Variants in COG6 observed in about 807,000 individuals in gnomAD.
COG6 encodes the protein conserved oligomeric Golgi complex subunit 6.
Under a neutral mutation model 88.8 loss-of-function variants are expected in COG6, and 74 were observed. The observed-to-expected ratio is 0.83, with a 90% CI of 0.69 to 1.01. The LOEUF is 1.01. COG6 is among the 50% of genes least tolerant of loss of function. The pLI is 0.00. For synonymous variants in COG6, 286 were observed against 278.7 expected, an observed-to-expected ratio of 1.03 and a Z score of -0.26; for missense variants, 800 against 797.9, an observed-to-expected ratio of 1.00 and a Z score of -0.03.
rs944880705 is a variant in COG6 at position 39,724,367 on chromosome 13, C to CAA, written c.1693-140_1693-139insAA. On this transcript the variant is annotated intron_variant, in intron 16 of 18. Transcript: ENST00000455146. The stretch of plus-strand genomic sequence containing the variant: ...GATCTTATTGAGGTTGAAGAAATTA[C>CAA]ACTTGAGTTCTTTGGAAATAAGCTA... The CAA allele has an allele frequency of 1.3e-4, 87 of 650,618 alleles. No individual in the cohort carries two copies. The African/African-American group carries it at 1.4e-3, about 11-fold the overall frequency. 40.3% of individuals were successfully genotyped at this position (650,618 alleles called of 1,614,324 possible). A position where few individuals can be genotyped will look rare whatever the true frequency, so the allele number is the denominator to read the frequency against.
At chr13:39,787,395 G>GGT (rs1055981059) in intron 18 of COG6, among the ~76,000 whole-genome samples, 2 of 151,766 alleles carry the variant, frequency 1.3e-5, no homozygotes, top group Admixed American at 6.6e-5. Flanking sequence ...TGGTGTGTGT[G>GGT]GTGTGTGTGT....
chr13:39,675,986 T>C (rs2137979222), intron 4 of COG6, among the ~76,000 whole-genome samples: 1 of 152,266 alleles, frequency 6.6e-6, no homozygotes, highest in Admixed American at 6.5e-5. Flanking sequence ...ATGTAATGTT[T>C]CAAGGTAATT....
chr13:39,659,633 T>G, intron 2 of COG6, 126 bp downstream of exon 2: 1 of 744,472 alleles, frequency 1.3e-6, no homozygotes, highest in East Asian at 2.7e-5. Context: ...ATAGAAAGCT[T>G]AGCTAATTTC....
rs1333017958 is a variant in COG6, at chr13:39,662,558, A to G, written c.369+1677A>G. Among the ~76,000 whole-genome samples, 3 of 152,236 alleles carry G rather than the reference A, an allele frequency of 2.0e-5. No individual in the cohort carries two copies. The East Asian group carries it at 5.8e-4, about 29-fold the overall frequency. ...TTATGAATGGTAATAAACTGCATCC[A>G]TTCAAAGTGTTCAAATTGATAGGCT... On this transcript the variant is annotated intron_variant, in intron 3 of 18. Transcript: ENST00000455146.
Position 39,771,038 on chromosome 13 carries a change from C to T in COG6, c.1827-17297C>T, listed in dbSNP as rs575902049. Among the ~76,000 whole-genome samples, 3 of 152,260 alleles carry T rather than the reference C, an allele frequency of 2.0e-5. No homozygotes were observed. In the East Asian group the frequency reaches 5.8e-4, roughly 30 times the overall value. On this transcript the variant is annotated intron_variant, in intron 18 of 18. Transcript: ENST00000416691. ...TCAAGCATTAGCTGCTCCTCATTAGCTGCTCCTCATGTCATGTAAGTAGCT... is the reference window on the plus strand; with the variant it reads ...TCAAGCATTAGCTGCTCCTCATTAGTTGCTCCTCATGTCATGTAAGTAGCT...
chr13:39,725,638 C>T (rs1879092562), intron 17 of COG6, among the ~76,000 whole-genome samples: 1 of 151,556 alleles, frequency 6.6e-6, no homozygotes, highest in South Asian at 2.1e-4. Flanking sequence ...AAATAAGAAA[C>T]ATTATGTCGT....
intron 18 of COG6, among the ~76,000 whole-genome samples, chr13:39,736,494 A>G (rs1277046927): frequency 6.6e-6 from 1 of 152,134 alleles, no homozygotes; most frequent in Non-Finnish European, 1.5e-5. Context: ...GGAGTTCAAG[A>G]CCAGCCTAAC....
chr13:39,689,699 A>G, intron 10 of COG6, 61 bp from the exon 11 acceptor site: 2 of 1,138,162 alleles, frequency 1.8e-6, no homozygotes, highest in South Asian at 1.3e-5. Context: ...AGTTTTTTGA[A>G]CTTATATGAA....
At chr13:39,706,045 T>G (rs1317487233) in intron 13 of COG6, among the ~76,000 whole-genome samples, 1 of 151,752 alleles carries the variant, frequency 6.6e-6, no homozygotes, top group African/African-American at 2.4e-5. Flanking sequence ...TTGAAATTAT[T>G]TCAAACATGT....
At chr13:39,736,457 C>A (rs781278910) in intron 18 of COG6, among the ~76,000 whole-genome samples, 1 of 152,150 alleles carries the variant, frequency 6.6e-6, no homozygotes, top group South Asian at 2.1e-4. Context: ...CTTTGGGAGG[C>A]CGAGACACTT....
chr13:39,751,227 A>ATTT lies in COG6; in HGVS notation c.*145_*147dup. 3.2e-6 allele frequency: 4 copies of ATTT among 1,232,038 alleles called. No homozygotes were observed. The highest frequency in any genetic ancestry group is 3.3e-6 in the Non-Finnish European group (3 of 908,980). 76.3% of individuals were successfully genotyped at this position (1,232,038 alleles called of 1,614,324 possible). On this transcript the variant is annotated 3_prime_UTR_variant, in exon 19 of 19. Coordinates refer to ENST00000455146, the MANE Select transcript of COG6 (RefSeq NM_020751.3). Reference sequence around the variant, plus strand: ...TATCATAAGATTGTAAGTCCCGATAATTTTTTTTTTTTTGGTCTCAGTAAC... The same window carrying ATTT: ...TATCATAAGATTGTAAGTCCCGATAATTTTTTTTTTTTTTTTGGTCTCAGTAAC...
intron 13 of COG6, among the ~76,000 whole-genome samples, chr13:39,713,139 A>AT (rs1292645951): frequency 1.3e-5 from 2 of 152,214 alleles, no homozygotes; most frequent in African/African-American, 4.8e-5. Context: ...TCACTTACTG[A>AT]TGCTGACTGG....
intron 12 of COG6, among the ~76,000 whole-genome samples, chr13:39,698,179 TAA>T (rs56158896): frequency 7.0e-4 from 104 of 148,838 alleles, no homozygotes; most frequent in Middle Eastern, 3.4e-3. Context: ...AACTCCATAT[TAA>T]AAAAAAAAAT....
chr13:39,770,354 G>A (rs1407103581), intron 18 of COG6, among the ~76,000 whole-genome samples: 2 of 152,166 alleles, frequency 1.3e-5, no homozygotes, highest in Non-Finnish European at 2.9e-5. Context: ...TTTCCACAGG[G>A]CTTTCACAAA....
chr13:39,689,686 G>A, intron 10 of COG6, 74 bp from the exon 11 acceptor site: 1 of 888,472 alleles, frequency 1.1e-6, no homozygotes, highest in Non-Finnish European at 1.8e-6. Flanking sequence ...TATATTATTT[G>A]TTAGTTTTTT....
downstream of COG6, among the ~76,000 whole-genome samples, chr13:39,754,613 G>A (rs1047123281): frequency 6.6e-6 from 1 of 152,088 alleles, no homozygotes; most frequent in Admixed American, 6.5e-5. Context: ...TTAGAAATTT[G>A]CTTGGCATAG....
At chr13:39,702,907 C>T (rs545154228) in intron 13 of COG6, among the ~76,000 whole-genome samples, 91 of 152,220 alleles carry the variant, frequency 6.0e-4, no homozygotes, top group African/African-American at 1.8e-3. Context: ...TCAATAAATA[C>T]TGGTAACATG....
intron 18 of COG6, among the ~76,000 whole-genome samples, chr13:39,759,166 A>G (rs1267773920): frequency 6.6e-6 from 1 of 152,224 alleles, no homozygotes; most frequent in East Asian, 1.9e-4. Flanking sequence ...AGCATTGAAT[A>G]TACTAAAAGC....
chr13:39,786,346 G>A (rs945384374), intron 18 of COG6, among the ~76,000 whole-genome samples: 4 of 152,134 alleles, frequency 2.6e-5, no homozygotes, highest in African/African-American at 7.2e-5. Flanking sequence ...ACACTGGCTC[G>A]GCCCCTTTTA....
Sources: allele counts gnomAD v4.1 joint callset (sites outside exome capture counted in the v4.1 genomes callset), GRCh38; gene constraint gnomAD v4.1.1; transcripts MANE v1.5; gene names NCBI Gene and HGNC (gene_info 2026-07-23, HGNC 2026-07-21).